Variants in DOP1A observed in about 807,000 individuals in gnomAD.
The protein encoded by DOP1A is DOP1 leucine zipper like protein A, also known as protein DOP1A.
Under a neutral mutation model 267.6 loss-of-function variants are expected in DOP1A, and 90 were observed. The ratio of observed to expected loss-of-function variants is 0.34; its 90% CI spans 0.28 to 0.40. The LOEUF (loss-of-function observed/expected upper bound fraction) is 0.40, where lower values mean the gene tolerates loss of function less well. Among genes scored for constraint, DOP1A ranks in the 10% least tolerant of loss-of-function variants. The pLI is 1.00. For synonymous variants in DOP1A, 932 were observed against 999.1 expected (o/e 0.93, Z 1.27); for missense variants, 2,437 against 2,900.4 (o/e 0.84, Z 3.67).
chr6:83,089,159 AAG>A (rs1323716257), intron 1 of DOP1A, among the ~76,000 whole-genome samples: 1 of 152,346 alleles, frequency 6.6e-6, no homozygotes, highest in East Asian at 1.9e-4. Flanking sequence ...GAAGGAGAGA[AAG>A]AGAAAATGCA....
intron 20 of DOP1A, among the ~76,000 whole-genome samples, chr6:83,136,488 CT>C (rs1253965098): frequency 6.6e-6 from 1 of 152,056 alleles, no homozygotes; most frequent in East Asian, 1.9e-4. Context: ...TTGACAAACC[CT>C]GTGGTGGTAA....
chr6:83,152,014 A>T lies in DOP1A; in HGVS notation c.6036A>T (p.Glu2012Asp). 6.2e-7 allele frequency: 1 copy of T among 1,613,968 alleles called. No homozygotes were observed. Among genetic ancestry groups the T allele is most frequent in the Non-Finnish European group, 8.5e-7 (1 of 1,179,906 alleles). ...PKIMVDGTNLESDVEDMLSPA... is the reference protein window; with the variant it reads ...PKIMVDGTNLDSDVEDMLSPA... ...TAATGGTAGATGGAACCAATTTGGA[A>T]TCTGATGTTGAAGGTATTCTTGTCA... Residue 2012 changes from glutamate (E) to aspartate (D), a missense_variant, in exon 29 of 39, where the codon GAA becomes GAT. By Grantham distance (45) the Glu-to-Asp change is conservative. Coordinates refer to ENST00000349129, the MANE Select transcript of DOP1A (RefSeq NM_015018.4).
At chr6:83,165,761 C>T (rs1036232840) in intron 38 of DOP1A, 2 of 241,296 alleles carry the variant, frequency 8.3e-6, no homozygotes, top group East Asian at 1.2e-4. Flanking sequence ...ATTTTCGAAG[C>T]GTTGGTTGTG....
intron 25 of DOP1A, among the ~76,000 whole-genome samples, chr6:83,146,007 A>G: frequency 6.6e-6 from 1 of 152,156 alleles, no homozygotes; most frequent in South Asian, 2.1e-4. Context: ...CATTTTTCAT[A>G]GCTTCTTTAT....
intron 5 of DOP1A, 38 bp downstream of exon 5, chr6:83,109,118 A>T (rs778886147): frequency 5.7e-6 from 9 of 1,588,634 alleles, no homozygotes; most frequent in Non-Finnish European, 7.7e-6. Context: ...AATTGAAGTC[A>T]TGGATTTGTC....
At chr6:83,090,228 A>G (rs1454365359) in intron 1 of DOP1A, among the ~76,000 whole-genome samples, 6 of 152,218 alleles carry the variant, frequency 3.9e-5, no homozygotes, top group Non-Finnish European at 5.9e-5. Flanking sequence ...CCATTCAAGT[A>G]TAAGTGTTTT....
intron 38 of DOP1A, chr6:83,166,733 G>T: frequency 1.7e-6 from 2 of 1,159,514 alleles, no homozygotes; most frequent in Non-Finnish European, 2.1e-6. Context: ...ATAAGCTTGA[G>T]AGCACATAGA....
At chr6:83,142,463 A>G (rs1201235128) in intron 24 of DOP1A, among the ~76,000 whole-genome samples, 2 of 152,094 alleles carry the variant, frequency 1.3e-5, no homozygotes, top group Non-Finnish European at 2.9e-5. Context: ...AGCCAAGATC[A>G]TGCCACTGCA....
chr6:83,080,786 AT>A (rs1332170391), intron 1 of DOP1A, among the ~76,000 whole-genome samples: 2 of 152,168 alleles, frequency 1.3e-5, no homozygotes, highest in African/African-American at 4.8e-5. Flanking sequence ...CACCACGGCC[AT>A]TTATTGAATT....
chr6:83,098,808 T>G (rs925247137), intron 3 of DOP1A, among the ~76,000 whole-genome samples: 1 of 152,280 alleles, frequency 6.6e-6, no homozygotes, highest in Non-Finnish European at 1.5e-5. Flanking sequence ...TGGACAGCTG[T>G]GTAGAAATGT....
intron 5 of DOP1A, among the ~76,000 whole-genome samples, chr6:83,109,796 A>G (rs1470578663): frequency 6.6e-6 from 1 of 152,214 alleles, no homozygotes; most frequent in Non-Finnish European, 1.5e-5. Context: ...TTTATTACTT[A>G]GCGTACTTTA....
At chr6:83,158,743 T>G in intron 36 of DOP1A, 121 bp downstream of exon 36, 1 of 712,756 alleles carries the variant, frequency 1.4e-6, no homozygotes, top group South Asian at 2.1e-5. Flanking sequence ...ATTATCTAAT[T>G]GATTACGTTT....
At position 83,142,064 on chromosome 6, in the gene DOP1A, T is replaced by C; in HGVS notation, c.5541+18T>C. The stretch of plus-strand genomic sequence containing the variant: ...GGACCAAGGTATGTATTTAGACATT[T>C]GGCACTTTTTGTTTTTGCATTTGGT... On this transcript the variant is annotated intron_variant, in intron 24 of 38. Coordinates refer to ENST00000349129, the MANE Select transcript of DOP1A (RefSeq NM_015018.4). 1 of 1,607,412 alleles carries C rather than the reference T, an allele frequency of 6.2e-7. No homozygotes were observed. Among genetic ancestry groups the C allele is most frequent in the South Asian group, 1.1e-5 (1 of 89,520 alleles).
chr6:83,076,426 G>A (rs1767103038), intron 1 of DOP1A, among the ~76,000 whole-genome samples: 1 of 152,146 alleles, frequency 6.6e-6, no homozygotes, highest in Non-Finnish European at 1.5e-5. Context: ...GGAGGCTGAG[G>A]CAAGGGAATC....
At chr6:83,130,085 G>A (rs763925620) in intron 16 of DOP1A, 38 bp from the exon 17 acceptor site, 3 of 1,595,616 alleles carry the variant, frequency 1.9e-6, no homozygotes, top group Admixed American at 3.4e-5. Flanking sequence ...GAAATGTTTA[G>A]TATAATGAAC....
intron 1 of DOP1A, among the ~76,000 whole-genome samples, chr6:83,075,366 A>G (rs1430456393): frequency 6.6e-6 from 1 of 152,188 alleles, no homozygotes; most frequent in Admixed American, 6.5e-5. Context: ...CAATTACAAT[A>G]AAGCAAGGTA....
At chr6:83,159,731 A>G in intron 36 of DOP1A, 65 bp from the exon 37 acceptor site, 2 of 1,575,736 alleles carry the variant, frequency 1.3e-6, no homozygotes, top group Non-Finnish European at 1.7e-6. Flanking sequence ...GTACTTTTAG[A>G]TCTTTCCAGG....
chr6:83,158,126 GTAGCTGGGAC>G (rs1783249665), intron 35 of DOP1A, among the ~76,000 whole-genome samples: 1 of 151,986 alleles, frequency 6.6e-6, no homozygotes, highest in South Asian at 2.1e-4. Context: ...AGCCTCCCGA[GTAGCTGGGAC>G]TACAGGCACC....
At chr6:83,158,093 G>A (rs1290168900) in intron 35 of DOP1A, among the ~76,000 whole-genome samples, 1 of 151,970 alleles carries the variant, frequency 6.6e-6, no homozygotes, top group Admixed American at 6.6e-5. Context: ...CTGCCTCCCG[G>A]GTTCAGGCCA....
Sources: gnomAD v4.1 joint callset for allele counts (sites outside exome capture counted in the v4.1 genomes callset) on GRCh38, gnomAD v4.1.1 for gene constraint, MANE v1.5 for transcripts, NCBI Gene and HGNC (gene_info 2026-07-23, HGNC 2026-07-21) for gene names.